MAOA: variants seen among roughly 807,000 people sequenced by gnomAD.
MAOA encodes the protein monoamine oxidase A, also known as amine oxidase [flavin-containing] A.
In MAOA, 6 loss-of-function variants were observed where a neutral mutation model predicts 42.0. The observed-to-expected ratio is 0.14, with a 90% confidence interval of 0.08 to 0.28. The LOEUF (loss-of-function observed/expected upper bound fraction) is 0.28. Among genes scored for constraint, MAOA ranks in the 10% least tolerant of loss-of-function variants. The probability of loss-of-function intolerance (pLI) is 1.00; values close to 1 mark genes in which losing one functional copy is unlikely to be tolerated. For synonymous variants in MAOA, 140 were observed against 154.0 expected (o/e 0.91, Z 0.67); for missense variants, 262 against 422.3 (o/e 0.62, Z 3.33).
At chrX:43,731,434 G>T (rs2033879783) in intron 7 of MAOA, 44 bp downstream of exon 7, 1 of 1,143,865 alleles carries the variant, frequency 8.7e-7, no homozygotes, top group African/African-American at 1.8e-5. Flanking sequence ...AATAGGCCTT[G>T]TGTCTTTTGC....
At chrX:43,736,079 A>G in intron 9 of MAOA, 148 bp from the exon 10 acceptor site, 3 of 411,087 alleles carry the variant, frequency 7.3e-6, no homozygotes, top group Non-Finnish European at 9.1e-6. Flanking sequence ...ACCAAAGACA[A>G]TATGGCATTT....
chrX:43,721,875 TTC>T (rs1491551510), intron 5 of MAOA, among the ~76,000 whole-genome samples: 1 of 110,408 alleles, frequency 9.1e-6, no homozygotes, highest in Non-Finnish European at 1.9e-5. Context: ...GTGTGTGATG[TTC>T]CCCTCCCTGT....
chrX:43,744,197 T>C (rs1448377582), intron 14 of MAOA, 26 bp downstream of exon 14: 5 of 1,176,076 alleles, frequency 4.3e-6, no homozygotes, highest in Non-Finnish European at 5.8e-6. Flanking sequence ...CTGGGCACTA[T>C]CTCTCCTTAG....
At chrX:43,743,735 C>A in intron 12 of MAOA, 59 bp from the exon 13 acceptor site, 3 of 1,122,666 alleles carry the variant, frequency 2.7e-6, no homozygotes, top group Non-Finnish European at 3.6e-6. Flanking sequence ...CAGTGATTGG[C>A]TCATTTACCC....
chrX:43,727,896 C>T (rs775930028), intron 5 of MAOA, among the ~76,000 whole-genome samples: 1 of 112,049 alleles, frequency 8.9e-6, no homozygotes, highest in Non-Finnish European at 1.9e-5. Flanking sequence ...CCACCTTCTG[C>T]GCGGATCTCA....
intron 3 of MAOA, among the ~76,000 whole-genome samples, chrX:43,707,988 A>G (rs2033670349): frequency 2.7e-5 from 3 of 112,044 alleles, no homozygotes; most frequent in Non-Finnish European, 3.8e-5. Context: ...AGGACCAACA[A>G]TAAAGAATTA....
At chrX:43,726,791 G>A (rs1013168512) in intron 5 of MAOA, among the ~76,000 whole-genome samples, 4 of 112,084 alleles carry the variant, frequency 3.6e-5, no homozygotes, top group African/African-American at 6.5e-5. Context: ...TTCTGCACTG[G>A]TTTCTCCCCA....
chrX:43,736,812 A>ATTTGT (rs2033923777), intron 10 of MAOA, among the ~76,000 whole-genome samples: 1 of 87,970 alleles, frequency 1.1e-5, no homozygotes, highest in African/African-American at 4.3e-5. Flanking sequence ...GTCATGGTAT[A>ATTTGT]TTTGTTTTGT....
intron 3 of MAOA, among the ~76,000 whole-genome samples, chrX:43,698,131 A>G (rs983708739): frequency 8.9e-6 from 1 of 112,436 alleles, no homozygotes; most frequent in Non-Finnish European, 1.9e-5. Context: ...GCCATTTTCT[A>G]GATAAACCAA....
chrX:43,694,670 T>A (rs1159135660), intron 3 of MAOA, among the ~76,000 whole-genome samples: 5 of 112,115 alleles, frequency 4.5e-5, no homozygotes, highest in Non-Finnish European at 9.4e-5. Flanking sequence ...TTTTCTGCAC[T>A]GCACAGTGTT....
chrX:43,732,112 G>T (rs1462340014), intron 8 of MAOA, among the ~76,000 whole-genome samples: 2 of 111,493 alleles, frequency 1.8e-5, no homozygotes, highest in African/African-American at 6.5e-5. Context: ...CATCTGTCCT[G>T]CTTCTTACTT....
chrX:43,656,835 C>T (rs765684179), intron 1 of MAOA, among the ~76,000 whole-genome samples: 1 of 109,565 alleles, frequency 9.1e-6, no homozygotes, highest in African/African-American at 3.3e-5. Context: ...ACGATTTTCT[C>T]CCATTTAAGA....
rs374129053 is a variant in MAOA at position 43,743,778 on chromosome X, C to G, written c.1263-16C>G. On this transcript the variant is annotated splice_polypyrimidine_tract_variant and intron_variant, in intron 12 of 14. Coordinates refer to ENST00000338702, the MANE Select transcript of MAOA (RefSeq NM_000240.4). ...CTTCCCAAGTAACTCTGTGTAACCT[C>G]TTGGTTCCCTTGAAGGGTGATTCGT... The G allele has an allele frequency of 3.3e-4, 389 of 1,165,288 alleles. 3 individuals carry two copies. In the South Asian group the frequency reaches 5.5e-3, roughly 17 times the overall value.
intron 10 of MAOA, among the ~76,000 whole-genome samples, chrX:43,736,887 G>GTTA (rs989643569): frequency 1.5e-4 from 17 of 110,565 alleles, no homozygotes; most frequent in African/African-American, 5.6e-4. Flanking sequence ...TAACATCAGA[G>GTTA]TTATTTGGCT....
intron 12 of MAOA, 32 bp from the exon 13 acceptor site, chrX:43,743,762 T>G: frequency 3.4e-6 from 4 of 1,162,347 alleles, no homozygotes; most frequent in Non-Finnish European, 4.6e-6. Flanking sequence ...CCTTCCCAAG[T>G]AACTCTGTGT....
intron 12 of MAOA, among the ~76,000 whole-genome samples, chrX:43,743,107 TG>T (rs1413171580): frequency 1.8e-5 from 2 of 110,263 alleles, no homozygotes; most frequent in Non-Finnish European, 3.8e-5. Context: ...ACATGCAGCT[TG>T]GGAGAGTTCA....
intron 3 of MAOA, among the ~76,000 whole-genome samples, chrX:43,698,994 C>T (rs989874042): frequency 5.4e-5 from 6 of 111,609 alleles, no homozygotes; most frequent in Non-Finnish European, 9.4e-5. Context: ...TTCTCTTTAT[C>T]GGTTGCACAT....
intron 3 of MAOA, among the ~76,000 whole-genome samples, chrX:43,699,063 G>C (rs1171553090): frequency 3.6e-5 from 4 of 111,121 alleles, no homozygotes; most frequent in South Asian, 3.8e-4. Context: ...GATTGCTTGA[G>C]CCCAGGAGTT....
At chrX:43,658,003 T>C (rs2033199494) in intron 1 of MAOA, 2 of 598,508 alleles carry the variant, frequency 3.3e-6, no homozygotes, top group Admixed American at 1.8e-4. Context: ...TTGTTTCTCT[T>C]TATTTATTTA....
Sources: gnomAD v4.1 joint callset for allele counts (sites outside exome capture counted in the v4.1 genomes callset) on GRCh38, gnomAD v4.1.1 for gene constraint, MANE v1.5 for transcripts, NCBI Gene and HGNC (gene_info 2026-07-23, HGNC 2026-07-21) for gene names.